Variants in CACNA1C observed in about 807,000 individuals in gnomAD.
The protein encoded by CACNA1C is voltage-dependent L-type calcium channel subunit alpha-1C.
A neutral mutation model predicts 229.0 loss-of-function variants in CACNA1C; 30 were observed. The observed-to-expected ratio is 0.13, with a 90% CI of 0.10 to 0.18. The LOEUF (loss-of-function observed/expected upper bound fraction) is 0.18. CACNA1C is among the 10% of genes least tolerant of loss of function. The pLI is 1.00. For missense variants in CACNA1C, 1,658 were observed against 2,845.0 expected (o/e 0.58, Z 9.49); for synonymous variants, 1,114 against 1,132.5 (o/e 0.98, Z 0.33).
chr12:2,438,359 A>AGGTGGTGG (rs1555574727), intron 3 of CACNA1C, among the ~76,000 whole-genome samples: 1 of 137,158 alleles, frequency 7.3e-6, no homozygotes, highest in Non-Finnish European at 1.6e-5. Context: ...GGTGGTGGTA[A>AGGTGGTGG]TGATGGTGGT....
intron 3 of CACNA1C, among the ~76,000 whole-genome samples, chr12:2,237,434 A>G (rs750096609): frequency 4.6e-5 from 7 of 152,366 alleles, no homozygotes; most frequent in Middle Eastern, 3.4e-3. Flanking sequence ...AAATGACCCA[A>G]TGGAATATAA....
chr12:2,030,974 A>G lies in CACNA1C; in HGVS notation c.139+59773A>G, dbSNP rs139496257. 4.7e-4 allele frequency among the ~76,000 whole-genome samples: 71 copies of G among 152,308 alleles called. No individual in the cohort carries two copies. In the East Asian group the frequency reaches 4.8e-3, roughly 10 times the overall value. On this transcript the variant is annotated intron_variant, in intron 1 of 46. Coordinates refer to the CACNA1C transcript ENST00000682462. ...ACATCTTTGCCTTCTCCTTTGTCCT[A>G]TGTTAGGCAAGAACTCACAGGTGTG...
chr12:2,204,043 A>G (rs1482932002), intron 3 of CACNA1C, among the ~76,000 whole-genome samples: 2 of 152,156 alleles, frequency 1.3e-5, no homozygotes, highest in Non-Finnish European at 2.9e-5. Flanking sequence ...GGACATTTAA[A>G]ACCTCTTAGA....
chr12:2,107,323 C>T (rs1436399537), intron 1 of CACNA1C, among the ~76,000 whole-genome samples: 3 of 127,920 alleles, frequency 2.3e-5, no homozygotes, highest in African/African-American at 8.9e-5. Flanking sequence ...AGGGTTTCCA[C>T]CTCAGCTGGG....
At chr12:2,111,648 A>T (rs1218543557) in intron 1 of CACNA1C, among the ~76,000 whole-genome samples, 1 of 152,142 alleles carries the variant, frequency 6.6e-6, no homozygotes, top group African/African-American at 2.4e-5. Flanking sequence ...GGCAGCTTTT[A>T]TGTATCTGAG....
chr12:2,604,100 A>G (rs896856428), intron 22 of CACNA1C, among the ~76,000 whole-genome samples: 9 of 152,278 alleles, frequency 5.9e-5, no homozygotes, highest in African/African-American at 2.2e-4. Context: ...GGATCTGGTC[A>G]TTTTTTATGG....
intron 3 of CACNA1C, among the ~76,000 whole-genome samples, chr12:2,337,299 C>G (rs1419351827): frequency 6.6e-6 from 1 of 152,168 alleles, no homozygotes; most frequent in Non-Finnish European, 1.5e-5. Flanking sequence ...TAGCCAGGAC[C>G]ATTGTTTCTG....
chr12:2,445,973 T>C (rs1032701483), intron 3 of CACNA1C, among the ~76,000 whole-genome samples: 4 of 152,144 alleles, frequency 2.6e-5, no homozygotes, highest in African/African-American at 9.7e-5. Context: ...TTTTTGACAA[T>C]GCAACTAGTT....
intron 3 of CACNA1C, among the ~76,000 whole-genome samples, chr12:2,232,139 T>A (rs1321955996): frequency 6.6e-6 from 1 of 151,866 alleles, no homozygotes; most frequent in Non-Finnish European, 1.5e-5. Context: ...TTTTTTCTGG[T>A]GCAGATCCAA....
intron 3 of CACNA1C, among the ~76,000 whole-genome samples, chr12:2,214,420 A>G (rs528192103): frequency 6.6e-6 from 1 of 152,326 alleles, no homozygotes; most frequent in Non-Finnish European, 1.5e-5. Context: ...GGCTTATAAT[A>G]AAATCATGGT....
intron 3 of CACNA1C, among the ~76,000 whole-genome samples, chr12:2,395,287 C>T (rs908456438): frequency 1.3e-5 from 2 of 148,920 alleles, no homozygotes; most frequent in African/African-American, 5.0e-5. Flanking sequence ...GACATGATCT[C>T]AGCTCATTGC....
intron 9 of CACNA1C, among the ~76,000 whole-genome samples, chr12:2,532,280 G>T (rs1054603807): frequency 3.3e-5 from 5 of 152,102 alleles, no homozygotes; most frequent in African/African-American, 1.2e-4. Context: ...AGGAGCTCTT[G>T]CCTCTTGCCT....
chr12:2,683,252 T>C (rs909996317), intron 43 of CACNA1C, among the ~76,000 whole-genome samples: 7 of 152,146 alleles, frequency 4.6e-5, no homozygotes, highest in Admixed American at 2.0e-4. Flanking sequence ...CAGCACAATA[T>C]CAGAAACTAT....
At chr12:2,279,319 T>C (rs536791424) in intron 3 of CACNA1C, among the ~76,000 whole-genome samples, 1 of 152,362 alleles carries the variant, frequency 6.6e-6, no homozygotes, top group South Asian at 2.1e-4. Context: ...TTGATTACTA[T>C]AGCTTTATAA....
At chr12:2,044,568 C>T (rs1452338855) in intron 1 of CACNA1C, among the ~76,000 whole-genome samples, 3 of 152,144 alleles carry the variant, frequency 2.0e-5, no homozygotes, top group Non-Finnish European at 2.9e-5. Flanking sequence ...TGAGGTTTAC[C>T]GTTCCAGGAA....
In CACNA1C at chr12:2,581,314, G is replaced by A. The variant is rs568150735; in HGVS notation, c.1896-276G>A. Among the ~76,000 whole-genome samples, 3 of 152,294 alleles carry A rather than the reference G, an allele frequency of 2.0e-5. No individual in the cohort carries two copies. The East Asian group carries it at 5.8e-4, about 29-fold the overall frequency. ...GCAGGGAAGTGAAATGTCTTGCCCAGAGGCACATGCAGCAGGTAGCCGGCA... is the reference window on the plus strand; with the variant it reads ...GCAGGGAAGTGAAATGTCTTGCCCAAAGGCACATGCAGCAGGTAGCCGGCA... On this transcript the variant is annotated intron_variant, in intron 13 of 46. Coordinates refer to ENST00000399655, the MANE Select transcript of CACNA1C (RefSeq NM_000719.7).
At chr12:2,626,364 A>G (rs966423001) in intron 29 of CACNA1C, among the ~76,000 whole-genome samples, 4 of 152,204 alleles carry the variant, frequency 2.6e-5, no homozygotes, top group African/African-American at 7.2e-5. Flanking sequence ...AGCTCTCTCC[A>G]TGGCCTTGGT....
intron 1 of CACNA1C, among the ~76,000 whole-genome samples, chr12:1,998,972 T>G (rs1180706710): frequency 6.6e-6 from 1 of 152,188 alleles, no homozygotes; most frequent in Non-Finnish European, 1.5e-5. Context: ...AAAACAGCAG[T>G]TTTTAAAAGG....
chr12:2,234,497 C>T (rs987492454), intron 3 of CACNA1C, among the ~76,000 whole-genome samples: 11 of 152,058 alleles, frequency 7.2e-5, no homozygotes, highest in Admixed American at 1.3e-4. Flanking sequence ...GTCAGGTGTG[C>T]CGAAGATACT....
Sources: gnomAD v4.1 joint callset for allele counts (sites outside exome capture counted in the v4.1 genomes callset) on GRCh38, gnomAD v4.1.1 for gene constraint, MANE v1.5 for transcripts, NCBI Gene and HGNC (gene_info 2026-07-23, HGNC 2026-07-21) for gene names.